DPRX: variants seen among roughly 807,000 people sequenced by gnomAD.
DPRX encodes divergent paired-related homeobox.
In DPRX, 11 loss-of-function variants were observed where a neutral mutation model predicts 8.4. That is an observed-to-expected ratio of 1.31 (90% confidence interval 0.82 to 2.17). DPRX has a LOEUF of 2.17. DPRX is among the 30% of genes most tolerant of loss of function. The probability of loss-of-function intolerance (pLI) is 0.00; values close to 1 mark genes in which losing one functional copy is unlikely to be tolerated. For synonymous variants in DPRX, 72 were observed against 87.0 expected (o/e 0.83, Z 0.96); for missense variants, 211 against 236.7 (o/e 0.89, Z 0.71).
chr19:53,601,568 G>A, the DPRX span, among the ~76,000 whole-genome samples: 3 of 147,614 alleles, frequency 2.0e-5, no homozygotes, highest in Admixed American at 6.9e-5. Flanking sequence ...TGCAACATCC[G>A]CCTCCTGGGT....
chr19:53,610,421 A>G, the DPRX span, among the ~76,000 whole-genome samples: 1 of 152,196 alleles, frequency 6.6e-6, no homozygotes, highest in Non-Finnish European at 1.5e-5. Flanking sequence ...CCATTCATGT[A>G]TCAAAATATC....
the DPRX span, among the ~76,000 whole-genome samples, chr19:53,625,507 T>C: frequency 2.0e-5 from 3 of 152,060 alleles, no homozygotes; most frequent in Non-Finnish European, 4.4e-5. Flanking sequence ...GGTCTGAGGA[T>C]AGAGCCTCAG....
exon 3 of DPRX, chr19:53,636,952 T>G (rs762514061): frequency 1.2e-6 from 2 of 1,609,816 alleles, no homozygotes; most frequent in South Asian, 1.1e-5. Flanking sequence ...ATTCTGGCTC[T>G]CCTGCCTGTT....
upstream of DPRX, among the ~76,000 whole-genome samples, chr19:53,629,328 AAAAAAG>A (rs1466245047): frequency 6.6e-6 from 1 of 151,360 alleles, no homozygotes; most frequent in Non-Finnish European, 1.5e-5. Flanking sequence ...AAAAAAAAAA[AAAAAAG>A]AGGAATGAGA....
chr19:53,609,575 G>A, the DPRX span, among the ~76,000 whole-genome samples: 8 of 148,562 alleles, frequency 5.4e-5, no homozygotes, highest in Non-Finnish European at 1.2e-4. Context: ...ATAAATCCAC[G>A]TGTGTACCGG....
the DPRX span, among the ~76,000 whole-genome samples, chr19:53,626,932 C>T: frequency 1.3e-5 from 2 of 152,006 alleles, no homozygotes; most frequent in African/African-American, 4.8e-5. Context: ...GAACTCCTGA[C>T]CTCAGGTGAT....
the DPRX span, among the ~76,000 whole-genome samples, chr19:53,626,227 C>T: frequency 6.6e-6 from 1 of 152,022 alleles, no homozygotes; most frequent in Non-Finnish European, 1.5e-5. Flanking sequence ...CGTGAGCCAC[C>T]GTGACTGGCC....
At chr19:53,612,876 T>C in the DPRX span, among the ~76,000 whole-genome samples, 1 of 152,216 alleles carries the variant, frequency 6.6e-6, no homozygotes, top group Non-Finnish European at 1.5e-5. Flanking sequence ...GCATTCCTCC[T>C]GGCCTCTCTG....
the DPRX span, among the ~76,000 whole-genome samples, chr19:53,612,955 A>G: frequency 6.6e-6 from 1 of 152,042 alleles, no homozygotes; most frequent in Non-Finnish European, 1.5e-5. Flanking sequence ...ACCTAAAACC[A>G]AACAAGATAG....
chr19:53,636,548 A>G (rs760815239), intron 2 of DPRX, 48 bp from the exon 3 acceptor site: 42 of 1,363,422 alleles, frequency 3.1e-5, no homozygotes, highest in Non-Finnish European at 3.8e-5. Flanking sequence ...AAATAGAATG[A>G]CAAGTCATCT....
the DPRX span, among the ~76,000 whole-genome samples, chr19:53,610,590 G>A: frequency 0.068 from 10,181 of 150,288 alleles, 560 homozygotes; most frequent in African/African-American, 0.15. Context: ...ACCTGAAGCT[G>A]GAGCTCTGCC....
At chr19:53,627,493 A>G (rs1448678530), upstream of DPRX, among the ~76,000 whole-genome samples, 2 of 146,044 alleles carry the variant, frequency 1.4e-5, no homozygotes, top group Non-Finnish European at 3.0e-5. Flanking sequence ...CTGGAGTGCA[A>G]TGGCGTGATC....
the DPRX span, among the ~76,000 whole-genome samples, chr19:53,601,538 G>A: frequency 1.6e-4 from 24 of 148,652 alleles, no homozygotes; most frequent in Non-Finnish European, 3.0e-4. Context: ...CTGGAGTGCA[G>A]TGGCGCGATC....
At chr19:53,630,990 G>A (rs983409470), upstream of DPRX, among the ~76,000 whole-genome samples, 7 of 151,802 alleles carry the variant, frequency 4.6e-5, no homozygotes, top group Non-Finnish European at 1.0e-4. Context: ...GGGATTACAG[G>A]TGCCCACCAC....
chr19:53,618,715 C>G, the DPRX span, among the ~76,000 whole-genome samples: 59 of 142,830 alleles, frequency 4.1e-4, no homozygotes, highest in African/African-American at 1.3e-3. Flanking sequence ...CGGAGACTTG[C>G]TCTGTCACCC....
upstream of DPRX, among the ~76,000 whole-genome samples, chr19:53,630,538 T>C (rs2091088630): frequency 6.6e-6 from 1 of 152,090 alleles, no homozygotes; most frequent in Non-Finnish European, 1.5e-5. Context: ...GGCCTAGGCC[T>C]TTGTAGTCAC....
chr19:53,613,283 A>T, the DPRX span, among the ~76,000 whole-genome samples: 1 of 152,092 alleles, frequency 6.6e-6, no homozygotes, highest in East Asian at 1.9e-4. Flanking sequence ...AAAGACCAAA[A>T]TCAACAGCTC....
chr19:53,619,689 A>G, the DPRX span, among the ~76,000 whole-genome samples: 2 of 136,742 alleles, frequency 1.5e-5, no homozygotes, highest in Admixed American at 1.4e-4. Context: ...AAAAAAAAAA[A>G]CAAAAAACAG....
the DPRX span, among the ~76,000 whole-genome samples, chr19:53,620,498 G>T: frequency 5.0e-4 from 76 of 151,976 alleles, no homozygotes; most frequent in African/African-American, 1.8e-3. Context: ...GAGCAGCTGG[G>T]ATTACAGACA....
Sources: allele counts gnomAD v4.1 joint callset (sites outside exome capture counted in the v4.1 genomes callset), GRCh38; gene constraint gnomAD v4.1.1; transcripts MANE v1.5; gene names NCBI Gene and HGNC (gene_info 2026-07-23, HGNC 2026-07-21).